Variants in ROBO1 observed in about 807,000 individuals in gnomAD.
The protein encoded by ROBO1 is roundabout guidance receptor 1.
In ROBO1, 149 loss-of-function variants were observed where a neutral mutation model predicts 195.9. That is an observed-to-expected ratio of 0.76 (90% confidence interval 0.67 to 0.87). ROBO1 has a LOEUF of 0.87. Ranked by LOEUF, ROBO1 falls within the 40% of genes least tolerant of loss-of-function variation. The pLI, the probability that ROBO1 is intolerant of heterozygous loss-of-function variation, is 0.00. For missense variants in ROBO1, 1,933 were observed against 2,068.3 expected (o/e 0.93, Z 1.27); for synonymous variants, 816 against 733.2 (o/e 1.11, Z -1.82).
At chr3:79,230,230 T>G (rs1404604426) in intron 2 of ROBO1, among the ~76,000 whole-genome samples, 1 of 152,198 alleles carries the variant, frequency 6.6e-6, no homozygotes, top group Non-Finnish European at 1.5e-5. Flanking sequence ...ATGAAGCTTT[T>G]AAAGGATTGC....
intron 3 of ROBO1, among the ~76,000 whole-genome samples, chr3:79,118,820 C>G (rs2080060709): frequency 6.6e-6 from 1 of 150,480 alleles, no homozygotes. Context: ...AGCCGAGACC[C>G]CACCACTGTA....
intron 2 of ROBO1, among the ~76,000 whole-genome samples, chr3:79,533,398 T>A (rs780386463): frequency 2.6e-5 from 4 of 152,128 alleles, no homozygotes; most frequent in African/African-American, 4.8e-5. Context: ...GAATATTTAG[T>A]TTTTTCTTTC....
rs535183619 is a variant in ROBO1 at position 79,332,374 on chromosome 3, G to A, written c.89-206835C>T. Among the ~76,000 whole-genome samples, 7 of 152,254 alleles carry A rather than the reference G, an allele frequency of 4.6e-5. No homozygotes were observed. In the South Asian group the frequency reaches 1.0e-3, roughly 23 times the overall value. ...AAACTGAGCACACCAATGCACAAATGAATTTTTATCACAAACATAAAAATT... is the reference window on the plus strand; with the variant it reads ...AAACTGAGCACACCAATGCACAAATAAATTTTTATCACAAACATAAAAATT... On this transcript the variant is annotated intron_variant, in intron 2 of 30. Coordinates refer to ENST00000464233, the MANE Select transcript of ROBO1 (RefSeq NM_002941.4).
chr3:79,590,107 A>T (rs1358157305), intron 1 of ROBO1, 146 bp from the exon 2 acceptor site: 2 of 492,564 alleles, frequency 4.1e-6, no homozygotes, highest in African/African-American at 3.9e-5. Context: ...AATGAATATG[A>T]ATTGTATAGA....
At chr3:78,810,766 G>A (rs1318604811) in intron 4 of ROBO1, among the ~76,000 whole-genome samples, 1 of 151,656 alleles carries the variant, frequency 6.6e-6, no homozygotes, top group African/African-American at 2.4e-5. Context: ...CATTCTTGCT[G>A]CCCTAAAGTT....
intron 4 of ROBO1, among the ~76,000 whole-genome samples, chr3:78,765,499 A>C (rs926099768): frequency 6.6e-6 from 1 of 152,148 alleles, no homozygotes; most frequent in Admixed American, 6.6e-5. Flanking sequence ...TTATCTTTAA[A>C]ACTTGAAAAA....
At chr3:79,121,470 T>C (rs2080115066) in intron 3 of ROBO1, among the ~76,000 whole-genome samples, 1 of 152,060 alleles carries the variant, frequency 6.6e-6, no homozygotes, top group African/African-American at 2.4e-5. Flanking sequence ...ATATATTTTG[T>C]TTCCTTCTAA....
At chr3:78,982,080 A>G (rs924814834) in intron 3 of ROBO1, among the ~76,000 whole-genome samples, 1 of 152,162 alleles carries the variant, frequency 6.6e-6, no homozygotes, top group Non-Finnish European at 1.5e-5. Flanking sequence ...CTTTGTTCAC[A>G]GGAAAGTTCT....
intron 25 of ROBO1, 53 bp downstream of exon 25, chr3:78,631,107 TG>T (rs1456257309): frequency 6.5e-7 from 1 of 1,548,800 alleles, no homozygotes. Context: ...TTGCTGAAAA[TG>T]GGCTGAAACA....
At chr3:78,758,372 A>G (rs899828699) in intron 4 of ROBO1, among the ~76,000 whole-genome samples, 10 of 151,912 alleles carry the variant, frequency 6.6e-5, no homozygotes, top group African/African-American at 2.2e-4. Context: ...ATATATATAA[A>G]AAAATAGCTG....
intron 3 of ROBO1, among the ~76,000 whole-genome samples, chr3:79,120,189 G>GA (rs1357726997): frequency 3.9e-5 from 6 of 152,076 alleles, no homozygotes; most frequent in East Asian, 3.9e-4. Flanking sequence ...GGAAGTTGGA[G>GA]AAAAAAACAA....
In ROBO1 at chr3:78,600,114, T is replaced by A; in HGVS notation, c.4940A>T (p.Glu1647Val). 1 of 1,610,488 alleles carries A rather than the reference T, an allele frequency of 6.2e-7. No homozygotes were observed. The highest frequency in any genetic ancestry group is 8.5e-7 in the Non-Finnish European group (1 of 1,177,354). Residue 1647 changes from glutamate to valine, a missense_variant and splice_region_variant, in exon 30 of 31, where the codon GAG becomes GTG. Physicochemically the swap from Glu to Val is moderately radical, Grantham distance 121 (BLOSUM62 -2). Transcript: ENST00000464233. ...ERGEDNNEEL[E>V]ETES ...AACTTGGGGAAAAATTATAGATACC[T>A]CTAATTCTTCATTATTATCTTCTCC...
chr3:79,143,281 A>T (rs1374390609), intron 2 of ROBO1, among the ~76,000 whole-genome samples: 2 of 152,212 alleles, frequency 1.3e-5, no homozygotes, highest in Middle Eastern at 3.4e-3. Context: ...AAAAATATAA[A>T]TCTTCCATTG....
chr3:78,716,064 C>G (rs1029489167), intron 7 of ROBO1, among the ~76,000 whole-genome samples: 1 of 152,098 alleles, frequency 6.6e-6, no homozygotes, highest in African/African-American at 2.4e-5. Context: ...TTGTGATAAC[C>G]CATTTCCTGG....
chr3:78,895,369 C>A (rs2037167284), intron 4 of ROBO1, among the ~76,000 whole-genome samples: 1 of 152,086 alleles, frequency 6.6e-6, no homozygotes, highest in African/African-American at 2.4e-5. Flanking sequence ...AGGTTGTAAT[C>A]AATTTTAAAA....
chr3:79,086,983 A>C (rs1355121269), intron 3 of ROBO1, among the ~76,000 whole-genome samples: 1 of 152,100 alleles, frequency 6.6e-6, no homozygotes, highest in Non-Finnish European at 1.5e-5. Context: ...TAGTTCACTA[A>C]ATTAAGGAAC....
intron 3 of ROBO1, among the ~76,000 whole-genome samples, chr3:79,040,485 A>G (rs2078466870): frequency 6.6e-6 from 1 of 152,204 alleles, no homozygotes; most frequent in South Asian, 2.1e-4. Flanking sequence ...TTGCCTACTC[A>G]TTTAATGGGT....
At chr3:79,296,113 G>C (rs969326897) in intron 2 of ROBO1, among the ~76,000 whole-genome samples, 2 of 152,100 alleles carry the variant, frequency 1.3e-5, no homozygotes, top group Non-Finnish European at 2.9e-5. Flanking sequence ...TCCAGTTGAA[G>C]AATGGAATTA....
At chr3:79,144,407 G>A (rs2080597980) in intron 2 of ROBO1, among the ~76,000 whole-genome samples, 1 of 151,684 alleles carries the variant, frequency 6.6e-6, no homozygotes, top group Non-Finnish European at 1.5e-5. Flanking sequence ...TTTTCCCCTT[G>A]CTTCCTTTTT....
Sources: gnomAD v4.1 joint callset for allele counts (sites outside exome capture counted in the v4.1 genomes callset) on GRCh38, gnomAD v4.1.1 for gene constraint, MANE v1.5 for transcripts, NCBI Gene and HGNC (gene_info 2026-07-23, HGNC 2026-07-21) for gene names.